The following ALS2 variants were observed in gnomAD, a reference collection of about 807,000 sequenced individuals.
The protein encoded by ALS2 is alsin Rho guanine nucleotide exchange factor ALS2.
Under a neutral mutation model 203.4 loss-of-function variants are expected in ALS2, and 117 were observed. The ratio of observed to expected loss-of-function variants is 0.58; its 90% CI spans 0.50 to 0.67. The LOEUF (loss-of-function observed/expected upper bound fraction) is 0.67, where lower values mean the gene tolerates loss of function less well. Among genes scored for constraint, ALS2 ranks in the 30% least tolerant of loss-of-function variants. The pLI is 0.00. For synonymous variants in ALS2, 718 were observed against 725.9 expected, an observed-to-expected ratio of 0.99 and a Z score of 0.17; for missense variants, 1,715 against 1,989.4, an observed-to-expected ratio of 0.86 and a Z score of 2.62.
chr2:201,729,052 C>A lies in ALS2; in HGVS notation c.2712G>T (p.Thr904=), dbSNP rs201200488. Residue 904 remains threonine (T), a splice_region_variant and synonymous_variant, in exon 14 of 34, where the codon ACG becomes ACT. Transcript: ENST00000264276. ...GFWKTFPGKM[T]DSLRKPERRL... is the part of the protein sequence containing the mutation. ...ACAAATGACAACTGGCATGGCTTAC[C>A]GTCATTTTTCCGGGGAAGGTCTTCC... The A allele has an allele frequency of 1.9e-6, 3 of 1,613,884 alleles. No homozygotes were observed. Among genetic ancestry groups the A allele is most frequent in the African/African-American group, 2.7e-5 (2 of 74,876 alleles).
chr2:201,704,283 A>T (rs1304813505), intron 32 of ALS2, 65 bp from the exon 33 acceptor site: 4 of 1,525,308 alleles, frequency 2.6e-6, no homozygotes. Context: ...TTTTGAATCT[A>T]GTTGATGGGA....
Position 201,723,386 on chromosome 2 carries a change from C to T in ALS2, c.3568G>A (p.Val1190Met), listed in dbSNP as rs770084921. The T allele has an allele frequency of 1.9e-6, 3 of 1,614,104 alleles. No homozygotes were observed. The highest frequency in any genetic ancestry group is 2.2e-5 in the South Asian group (2 of 91,076). ...QDDVCQGNGV[V>M]VTQFGLYYEG... ...TAGTATAATCCAAACTGGGTAACCA[C>T]CACACCATTCCCTTGACACACATCA... The change falls in exon 22 of 34, where the codon GTG becomes ATG. Residue 1190 changes from valine to methionine, a missense_variant. By Grantham distance (21) the Val-to-Met change is conservative (BLOSUM62 1). Transcript: ENST00000264276.
rs1689923930 is a variant in ALS2, at chr2:201,709,756, T to C, written c.4280+125A>G. 17 of 1,171,978 alleles carry C rather than the reference T, an allele frequency of 1.5e-5. No homozygotes were observed. The South Asian group carries it at 2.1e-4, about 14-fold the overall frequency. The allele number at this position is 1,171,978 out of a possible 1,614,324, so 72.6% of individuals were successfully genotyped here. On this transcript the variant is annotated intron_variant, in intron 27 of 33. Coordinates refer to ENST00000264276, the MANE Select transcript of ALS2 (RefSeq NM_020919.4). ...CTTACACATACATTTAAAACATGTT[T>C]TACTTAATCTATTAAAGGACTGTGG...
intron 19 of ALS2, among the ~76,000 whole-genome samples, chr2:201,725,886 A>G (rs1691131498): frequency 6.6e-6 from 1 of 152,236 alleles, no homozygotes; most frequent in Non-Finnish European, 1.5e-5. Context: ...AAGAATTTAC[A>G]TGATCACACA....
At chr2:201,710,085 C>T (rs368933347) in intron 26 of ALS2, 47 bp from the exon 27 acceptor site, 3 of 1,600,604 alleles carry the variant, frequency 1.9e-6, no homozygotes, top group Non-Finnish European at 1.7e-6. Context: ...GCATTAACAG[C>T]AGAAACAATC....
chr2:201,723,655 GT>G (rs1181894221), intron 21 of ALS2, among the ~76,000 whole-genome samples: 2 of 152,170 alleles, frequency 1.3e-5, no homozygotes, highest in Non-Finnish European at 2.9e-5. Context: ...ATTTAATGTT[GT>G]GGTCTGACAC....
chr2:201,779,225 G>A (rs1022587599), intron 1 of ALS2, among the ~76,000 whole-genome samples: 1 of 152,118 alleles, frequency 6.6e-6, no homozygotes, highest in South Asian at 2.1e-4. Context: ...CATTTAAAAA[G>A]TAAATGGCCT....
intron 10 of ALS2, among the ~76,000 whole-genome samples, chr2:201,743,795 T>C (rs1289961885): frequency 1.3e-5 from 2 of 152,172 alleles, no homozygotes; most frequent in Non-Finnish European, 2.9e-5. Flanking sequence ...TTTAACACTC[T>C]TATAGTTATC....
At position 201,754,580 on chromosome 2, in the gene ALS2, C is replaced by T; in HGVS notation, c.1563G>A (p.Leu521=). ...PTYSGEADAL[L]PSLRTEVWTW... ...TCCACACTTCTGTTCTCAGAGAAGGCAGGAGCGCATCTGCTTCTCCACTGT... is the reference window on the plus strand; with the variant it reads ...TCCACACTTCTGTTCTCAGAGAAGGTAGGAGCGCATCTGCTTCTCCACTGT... Residue 521 remains leucine (L), a synonymous_variant, in exon 6 of 34, where the codon CTG becomes CTA. Transcript: ENST00000264276. 1 of 1,614,162 alleles carries T rather than the reference C, an allele frequency of 6.2e-7. No homozygotes were observed. Among genetic ancestry groups the T allele is most frequent in the Admixed American group, 1.7e-5 (1 of 60,014 alleles).
intron 12 of ALS2, 190 bp downstream of exon 12, chr2:201,738,480 G>A: frequency 1.6e-6 from 1 of 609,828 alleles, no homozygotes; most frequent in South Asian, 1.9e-5. Context: ...TTTTTCAATA[G>A]CATACTACTT....
intron 20 of ALS2, 54 bp from the exon 21 acceptor site, chr2:201,724,513 A>C: frequency 6.3e-7 from 1 of 1,584,384 alleles, no homozygotes; most frequent in Non-Finnish European, 8.7e-7. Context: ...TCTGATGCTC[A>C]TTTTTACAAA....
intron 11 of ALS2, among the ~76,000 whole-genome samples, chr2:201,739,366 C>T (rs541163871): frequency 1.8e-4 from 27 of 151,116 alleles, no homozygotes; most frequent in African/African-American, 6.1e-4. Context: ...ACTTAATTAA[C>T]ATACTTGAGA....
chr2:201,709,394 C>T (rs1689901060), intron 27 of ALS2, among the ~76,000 whole-genome samples: 1 of 152,256 alleles, frequency 6.6e-6, no homozygotes, highest in Non-Finnish European at 1.5e-5. Context: ...GACTGTTTGT[C>T]TTTGTTCACT....
At chr2:201,706,755 ATAAT>A in intron 29 of ALS2, 87 bp downstream of exon 29, 1 of 1,297,998 alleles carries the variant, frequency 7.7e-7, no homozygotes, top group South Asian at 1.2e-5. Context: ...AGCCATATAT[ATAAT>A]TAGATATCAA....
At chr2:201,705,915 C>G (rs1471047634) in intron 29 of ALS2, among the ~76,000 whole-genome samples, 1 of 149,974 alleles carries the variant, frequency 6.7e-6, no homozygotes, top group African/African-American at 2.5e-5. Context: ...TGCCACTGCA[C>G]TCCAGCCAGG....
chr2:201,706,867 A>G lies in ALS2; in HGVS notation c.4559T>C (p.Leu1520Pro), dbSNP rs761674202. Residue 1520 changes from leucine to proline, a missense_variant, in exon 29 of 34, where the codon CTG (leucine) becomes CCG (proline). By Grantham distance (98) the Leu-to-Pro change is moderately conservative. Around this residue, in one of 3 missense-constraint regions of ALS2, gnomAD observed 1,227 missense variants for 1,413.5 expected, o/e 0.87. Coordinates refer to ENST00000264276, the MANE Select transcript of ALS2 (RefSeq NM_020919.4). ...RLNKQPDIAL[L>P]GFLGVQRKFW... is the part of the protein sequence containing the mutation. ...TTACCTCTGCACCCCAAGAAAGCCC[A>G]GGAGAGCAATATCTGGCTGCTTATT... is the stretch of plus-strand genomic sequence containing the variant. 1.9e-6 allele frequency: 3 copies of G among 1,614,108 alleles called. No individual in the cohort carries two copies. The highest frequency in any genetic ancestry group is 8.5e-7 in the Non-Finnish European group (1 of 1,179,968).
In ALS2 at chr2:201,753,046, T is replaced by G; in HGVS notation, c.1737+100A>C. The G allele has an allele frequency of 6.4e-6, 6 of 934,710 alleles. No homozygotes were observed. In the South Asian group the frequency reaches 7.7e-5, roughly 12 times the overall value. 57.9% of individuals were successfully genotyped at this position (934,710 alleles called of 1,614,324 possible). On this transcript the variant is annotated intron_variant, in intron 7 of 33. Coordinates refer to ENST00000264276, the MANE Select transcript of ALS2 (RefSeq NM_020919.4). ...AAGCTAAAATGAGATACGGTTATCA[T>G]TGCCTGACATATAGCAGATAATCAA...
At chr2:201,718,334 A>C in intron 23 of ALS2, 124 bp from the exon 24 acceptor site, 4 of 1,063,236 alleles carry the variant, frequency 3.8e-6, no homozygotes, top group Non-Finnish European at 5.6e-6. Flanking sequence ...ATCTTGGCTC[A>C]CTGCAACCTC....
intron 25 of ALS2, among the ~76,000 whole-genome samples, chr2:201,713,133 C>CTTTTTTTTTT (rs35807671): frequency 4.2e-5 from 4 of 96,266 alleles, no homozygotes; most frequent in African/African-American, 7.8e-5. Flanking sequence ...CTTTTCTTTT[C>CTTTTTTTTTT]TTTTTTTTTT....
Sources: gnomAD v4.1 joint callset for allele counts (sites outside exome capture counted in the v4.1 genomes callset) on GRCh38, gnomAD v4.1.1 for gene constraint, gnomAD v4.1.1 regional missense constraint, MANE v1.5 for transcripts, NCBI Gene and HGNC (gene_info 2026-07-23, HGNC 2026-07-21) for gene names.